The following HECW1 variants were observed in gnomAD, a reference collection of about 807,000 sequenced individuals.
The protein encoded by HECW1 is E3 ubiquitin-protein ligase HECW1.
In HECW1, 61 loss-of-function variants were observed where a neutral mutation model predicts 182.3. That is an observed-to-expected ratio of 0.33 (90% CI 0.27 to 0.41). HECW1 has a LOEUF of 0.41. Among genes scored for constraint, HECW1 ranks in the 10% least tolerant of loss-of-function variants. The probability of loss-of-function intolerance (pLI) is 1.00; values close to 1 mark genes in which losing one functional copy is unlikely to be tolerated. For missense variants in HECW1, 1,739 were observed against 2,108.9 expected (o/e 0.82, Z 3.44); for synonymous variants, 859 against 832.6 (o/e 1.03, Z -0.55).
At chr7:43,552,174 C>G in intron 27 of HECW1, 48 bp from the exon 28 acceptor site, 1 of 1,108,284 alleles carries the variant, frequency 9.0e-7, no homozygotes, top group South Asian at 1.2e-5. Context: ...TGAACATAGC[C>G]TTTCCATGTG....
Position 43,137,528 on chromosome 7 carries a change from T to TTTATTTATTTATTTA in HECW1, c.-32+23139_-32+23140insATTTATTTATTTATT, listed in dbSNP as rs1562585528. On this transcript the variant is annotated intron_variant, in intron 2 of 29. Transcript: ENST00000395891. ...TCTGCCTGGAATGCTTTCTGCCTTCTTTTATTTATTTATTTATTTATTTAT... is the reference window on the plus strand; with the variant it reads ...TCTGCCTGGAATGCTTTCTGCCTTCTTTATTTATTTATTTATTTATTTATTTATTTATTTATTTAT... 7.4e-3 allele frequency among the ~76,000 whole-genome samples: 1,099 copies of TTTATTTATTTATTTA among 147,542 alleles called. 13 individuals carry two copies. Among genetic ancestry groups the TTTATTTATTTATTTA allele is most frequent in the African/African-American group, 0.019 (737 of 39,664 alleles).
chr7:43,244,040 C>A, intron 3 of HECW1, 108 bp downstream of exon 3: 1 of 878,804 alleles, frequency 1.1e-6, no homozygotes, highest in Non-Finnish European at 2.0e-6. Flanking sequence ...GGTTGCCCAG[C>A]CCAGGAATTA....
chr7:43,541,204 A>C lies in HECW1; in HGVS notation c.4061A>C (p.His1354Pro). 1 of 1,614,218 alleles carries C rather than the reference A, an allele frequency of 6.2e-7. No individual in the cohort carries two copies. The highest frequency in any genetic ancestry group is 8.5e-7 in the Non-Finnish European group (1 of 1,180,044). ...CGCATCCTGGGTCTGGCTCTGATCCATCAGTACCTTCTTGACGCTTTCTTC... is the reference window on the plus strand; with the variant it reads ...CGCATCCTGGGTCTGGCTCTGATCCCTCAGTACCTTCTTGACGCTTTCTTC... ...SGRILGLALI[H>P]QYLLDAFFTR... The change falls in exon 25 of 30, where the codon CAT becomes CCT. Residue 1354 changes from histidine (H) to proline (P), a missense_variant. Physicochemically the swap from His to Pro is moderately conservative, Grantham distance 77. Around this residue, in one of 5 missense-constraint regions of HECW1, gnomAD observed 420 missense variants for 595.7 expected, o/e 0.71. Coordinates refer to ENST00000395891, the MANE Select transcript of HECW1 (RefSeq NM_015052.5).
At chr7:43,386,206 A>G (rs10280809) in intron 6 of HECW1, among the ~76,000 whole-genome samples, 91,009 of 152,010 alleles carry the variant, frequency 0.6, 27,630 homozygotes, top group African/African-American at 0.7. Context: ...GATTGAAAGA[A>G]TTTGTGTGAT....
chr7:43,266,679 T>C (rs1584251772), intron 3 of HECW1, among the ~76,000 whole-genome samples: 1 of 152,066 alleles, frequency 6.6e-6, no homozygotes, highest in African/African-American at 2.4e-5. Context: ...TAGGAACAAA[T>C]AAAGACCAAA....
Position 43,497,632 on chromosome 7 carries a change from C to T in HECW1, c.3438-3067C>T, listed in dbSNP as rs917496329. The stretch of plus-strand genomic sequence containing the variant: ...GGGCTATGCAGGAGACTATTATATT[C>T]ATCCATGATGATGGTCGTGTGGATA... On this transcript the variant is annotated intron_variant, in intron 19 of 29. Transcript: ENST00000395891. Among the ~76,000 whole-genome samples, 15 of 152,110 alleles carry T rather than the reference C, an allele frequency of 9.9e-5. 1 individual carries two copies. Among genetic ancestry groups the T allele is most frequent in the Non-Finnish European group, 2.1e-4 (14 of 68,018 alleles).
At chr7:43,454,088 G>C (rs751341984) in intron 12 of HECW1, among the ~76,000 whole-genome samples, 3 of 152,164 alleles carry the variant, frequency 2.0e-5, no homozygotes, top group Non-Finnish European at 4.4e-5. Context: ...AACATGTGAT[G>C]ATAAATTATC....
At chr7:43,513,406 A>G (rs919498547) in intron 24 of HECW1, among the ~76,000 whole-genome samples, 3 of 152,194 alleles carry the variant, frequency 2.0e-5, no homozygotes, top group African/African-American at 7.2e-5. Context: ...GCCCAAAGAC[A>G]TCAATGGAGA....
chr7:43,275,586 G>A (rs1255181895), intron 3 of HECW1, among the ~76,000 whole-genome samples: 1 of 152,164 alleles, frequency 6.6e-6, no homozygotes, highest in Non-Finnish European at 1.5e-5. Context: ...GGAGAGTAAT[G>A]TAGATGCAAA....
At chr7:43,368,057 G>A (rs1263913304) in intron 6 of HECW1, among the ~76,000 whole-genome samples, 1 of 152,172 alleles carries the variant, frequency 6.6e-6, no homozygotes, top group African/African-American at 2.4e-5. Flanking sequence ...TGCCTTCAGT[G>A]TCATTTATGT....
At chr7:43,217,753 C>T (rs568749423) in intron 2 of HECW1, among the ~76,000 whole-genome samples, 24 of 152,276 alleles carry the variant, frequency 1.6e-4, no homozygotes, top group Admixed American at 1.1e-3. Flanking sequence ...CAGCTCTTGG[C>T]GTATGGTTTG....
chr7:43,470,855 G>A (rs943451795), intron 16 of HECW1, among the ~76,000 whole-genome samples: 10 of 152,154 alleles, frequency 6.6e-5, no homozygotes, highest in African/African-American at 2.2e-4. Context: ...GAATTGCTGG[G>A]GAAAGTAGCC....
chr7:43,199,714 T>C (rs1173576567), intron 2 of HECW1, among the ~76,000 whole-genome samples: 1 of 152,196 alleles, frequency 6.6e-6, no homozygotes, highest in African/African-American at 2.4e-5. Context: ...TATATATTTT[T>C]AGTAGAAAAA....
chr7:43,159,900 C>T (rs1270887744), intron 2 of HECW1, among the ~76,000 whole-genome samples: 2 of 152,142 alleles, frequency 1.3e-5, no homozygotes, highest in Non-Finnish European at 2.9e-5. Flanking sequence ...AGGATGGTCT[C>T]GATGTCCTGA....
chr7:43,351,457 C>T (rs1220776341), intron 5 of HECW1, among the ~76,000 whole-genome samples: 2 of 152,082 alleles, frequency 1.3e-5, no homozygotes, highest in East Asian at 3.9e-4. Context: ...TCTTCCACTA[C>T]CAGGGTGGGT....
chr7:43,381,883 C>T (rs1328513845), intron 6 of HECW1, among the ~76,000 whole-genome samples: 1 of 151,986 alleles, frequency 6.6e-6, no homozygotes, highest in African/African-American at 2.4e-5. Flanking sequence ...AGGCTGGTCT[C>T]AAACTCCTGG....
In HECW1 at chr7:43,441,263, C is replaced by T. The variant is rs117865227; in HGVS notation, c.945-1266C>T. ...GGGGTGGAGGGGATGGCATGAAAATCCAGGGTGGAGACTTGGGGTCCCTAC... is the reference window on the plus strand; with the variant it reads ...GGGGTGGAGGGGATGGCATGAAAATTCAGGGTGGAGACTTGGGGTCCCTAC... On this transcript the variant is annotated intron_variant, in intron 9 of 29. Coordinates refer to ENST00000395891, the MANE Select transcript of HECW1 (RefSeq NM_015052.5). Among the ~76,000 whole-genome samples the T allele has an allele frequency of 4.0e-4, 61 of 152,166 alleles. No homozygotes were observed. The East Asian group carries it at 0.011, about 28-fold the overall frequency.
chr7:43,369,319 G>C (rs966850602), intron 6 of HECW1, among the ~76,000 whole-genome samples: 1 of 152,140 alleles, frequency 6.6e-6, no homozygotes, highest in African/African-American at 2.4e-5. Context: ...TTTGCCGGGT[G>C]TGGTGGCACA....
At chr7:43,250,061 A>G (rs1232854639) in intron 3 of HECW1, among the ~76,000 whole-genome samples, 1 of 151,940 alleles carries the variant, frequency 6.6e-6, no homozygotes, top group African/African-American at 2.4e-5. Context: ...ACAGCTGAAT[A>G]TACGCCACGG....
Sources: gnomAD v4.1 joint callset for allele counts (sites outside exome capture counted in the v4.1 genomes callset) on GRCh38, gnomAD v4.1.1 for gene constraint, gnomAD v4.1.1 regional missense constraint, MANE v1.5 for transcripts, NCBI Gene and HGNC (gene_info 2026-07-23, HGNC 2026-07-21) for gene names.